Variants in MCUB observed in about 807,000 individuals in gnomAD.
MCUB encodes the protein mitochondrial calcium uniporter dominant negative subunit beta.
Under a neutral mutation model 41.4 loss-of-function variants are expected in MCUB, and 46 were observed. That is an observed-to-expected ratio of 1.11 (90% confidence interval 0.88 to 1.42). MCUB has a LOEUF of 1.42. Ranked by LOEUF, MCUB falls within the 40% of genes most tolerant of loss-of-function variation. The pLI is 0.00. For synonymous variants in MCUB, 148 were observed against 148.2 expected (o/e 1.00, Z 0.01); for missense variants, 403 against 404.9 (o/e 1.00, Z 0.04).
chr4:109,645,318 A>G (rs1002291714), intron 1 of MCUB, among the ~76,000 whole-genome samples: 1 of 151,868 alleles, frequency 6.6e-6, no homozygotes, highest in African/African-American at 2.4e-5. Flanking sequence ...TCTCAAATCC[A>G]TCCTATCCTC....
chr4:109,616,520 A>G (rs895906311), intron 1 of MCUB, among the ~76,000 whole-genome samples: 17 of 152,098 alleles, frequency 1.1e-4, no homozygotes, highest in African/African-American at 4.1e-4. Flanking sequence ...CTCCCCTTTC[A>G]TGCAGCCCAG....
At chr4:109,685,055 T>G (rs933396170) in intron 6 of MCUB, 196 bp from the exon 7 acceptor site, 1 of 426,522 alleles carries the variant, frequency 2.3e-6, no homozygotes, top group Non-Finnish European at 4.1e-6. Flanking sequence ...TTGCCTGTTT[T>G]TGAAAGGAGC....
chr4:109,642,334 A>G (rs1178380482), intron 1 of MCUB, among the ~76,000 whole-genome samples: 1 of 152,214 alleles, frequency 6.6e-6, no homozygotes, highest in Non-Finnish European at 1.5e-5. Context: ...GTTCTTGCCC[A>G]TGGATATGGA....
chr4:109,667,678 T>A (rs1380204472), intron 4 of MCUB, among the ~76,000 whole-genome samples: 2 of 150,568 alleles, frequency 1.3e-5, no homozygotes, highest in East Asian at 3.9e-4. Flanking sequence ...ATATTTATTA[T>A]CTCTTTTCTT....
At chr4:109,582,702 G>T (rs1727212190) in intron 1 of MCUB, among the ~76,000 whole-genome samples, 1 of 152,114 alleles carries the variant, frequency 6.6e-6, no homozygotes, top group South Asian at 2.1e-4. Flanking sequence ...ATGGTTTTAG[G>T]TCTAACATGT....
chr4:109,598,170 G>C (rs1257966353), intron 1 of MCUB, among the ~76,000 whole-genome samples: 1 of 148,488 alleles, frequency 6.7e-6, no homozygotes, highest in Non-Finnish European at 1.5e-5. Flanking sequence ...AGGCAGAGAC[G>C]CTCCTCACTT....
At chr4:109,565,358 C>T (rs756480309) in intron 1 of MCUB, among the ~76,000 whole-genome samples, 1 of 152,162 alleles carries the variant, frequency 6.6e-6, no homozygotes, top group Non-Finnish European at 1.5e-5. Context: ...CTGGAGAAAC[C>T]CAACTATTCT....
At chr4:109,685,912 C>G (rs998040768) in intron 7 of MCUB, among the ~76,000 whole-genome samples, 9 of 152,156 alleles carry the variant, frequency 5.9e-5, no homozygotes, top group African/African-American at 2.2e-4. Context: ...TCCCAATTTA[C>G]TCATTAACTT....
chr4:109,677,605 G>A (rs959254127), intron 4 of MCUB, among the ~76,000 whole-genome samples: 5 of 152,164 alleles, frequency 3.3e-5, no homozygotes, highest in East Asian at 1.9e-4. Flanking sequence ...GATTAATGTC[G>A]TTATCATGGG....
chr4:109,630,471 T>C (rs1395092534), intron 1 of MCUB, among the ~76,000 whole-genome samples: 1 of 152,078 alleles, frequency 6.6e-6, no homozygotes, highest in Non-Finnish European at 1.5e-5. Flanking sequence ...CTAAAAAAAT[T>C]TTTTTCTTCA....
chr4:109,656,751 G>T (rs888525982), intron 1 of MCUB, among the ~76,000 whole-genome samples: 1 of 152,142 alleles, frequency 6.6e-6, no homozygotes, highest in Non-Finnish European at 1.5e-5. Context: ...TTTTGATAGA[G>T]AATTCTGATG....
rs1220944561 is a variant in MCUB at position 109,687,748 on chromosome 4, A to C, written c.*156A>C. 1 of 598,218 alleles carries C rather than the reference A, an allele frequency of 1.7e-6. No individual in the cohort carries two copies. Among genetic ancestry groups the C allele is most frequent in the Non-Finnish European group, 2.9e-6 (1 of 342,566 alleles). The allele number at this position is 598,218 out of a possible 1,614,324, so 37.1% of individuals were successfully genotyped here. Reference sequence around the variant, plus strand: ...TTTGAAGTTCTCAACTGAGATTTTTACTTTTTGGATTTTTATGACTTGCTA... The same window carrying C: ...TTTGAAGTTCTCAACTGAGATTTTTCCTTTTTGGATTTTTATGACTTGCTA... On this transcript the variant is annotated 3_prime_UTR_variant, in exon 8 of 8. Transcript: ENST00000394650.
intron 1 of MCUB, among the ~76,000 whole-genome samples, chr4:109,562,817 T>C (rs988541694): frequency 6.6e-6 from 1 of 152,214 alleles, no homozygotes; most frequent in African/African-American, 2.4e-5. Flanking sequence ...CTTTGAAAAA[T>C]ACACAATTCT....
chr4:109,619,662 G>T (rs980449817), intron 1 of MCUB, among the ~76,000 whole-genome samples: 1 of 152,120 alleles, frequency 6.6e-6, no homozygotes, highest in Non-Finnish European at 1.5e-5. Flanking sequence ...AGCTAAGATC[G>T]CACCACTGCA....
intron 1 of MCUB, among the ~76,000 whole-genome samples, chr4:109,617,783 TTAGG>T (rs1728163651): frequency 6.6e-6 from 1 of 152,206 alleles, no homozygotes; most frequent in African/African-American, 2.4e-5. Context: ...TAAAATCTAA[TTAGG>T]TATTTATTAA....
chr4:109,679,990 C>T (rs986098277), intron 4 of MCUB, among the ~76,000 whole-genome samples: 14 of 152,032 alleles, frequency 9.2e-5, no homozygotes, highest in African/African-American at 1.2e-4. Flanking sequence ...TTAGTAGAGA[C>T]GGGGTTTCAC....
intron 1 of MCUB, among the ~76,000 whole-genome samples, chr4:109,642,306 A>G (rs1728737340): frequency 6.6e-6 from 1 of 152,198 alleles, no homozygotes; most frequent in Non-Finnish European, 1.5e-5. Context: ...TGAGCCCTGA[A>G]ACAGCAAGAA....
At chr4:109,594,765 G>A (rs1727516697) in intron 1 of MCUB, among the ~76,000 whole-genome samples, 1 of 151,106 alleles carries the variant, frequency 6.6e-6, no homozygotes, top group Admixed American at 6.6e-5. Context: ...GAGGCCTCCG[G>A]AAAAATTCTC....
chr4:109,631,970 C>G (rs1227595832), intron 1 of MCUB, among the ~76,000 whole-genome samples: 2 of 152,080 alleles, frequency 1.3e-5, no homozygotes, highest in African/African-American at 2.4e-5. Flanking sequence ...AACGGCAGGC[C>G]CCTTTCACAG....
Sources: gnomAD v4.1 joint callset for allele counts (sites outside exome capture counted in the v4.1 genomes callset) on GRCh38, gnomAD v4.1.1 for gene constraint, MANE v1.5 for transcripts, NCBI Gene and HGNC (gene_info 2026-07-23, HGNC 2026-07-21) for gene names.